IAH1: variants seen among roughly 807,000 people sequenced by gnomAD.
IAH1 encodes the protein isoamyl acetate-hydrolyzing esterase 1 homolog.
In IAH1, 24 loss-of-function variants were observed where a neutral mutation model predicts 26.7. That is an observed-to-expected ratio of 0.90 (90% CI 0.65 to 1.26). IAH1 has a LOEUF of 1.26. Among genes scored for constraint, IAH1 ranks in the 50% most tolerant of loss-of-function variants. The probability of loss-of-function intolerance (pLI) is 0.00; values close to 1 mark genes in which losing one functional copy is unlikely to be tolerated. For synonymous variants in IAH1, 140 were observed against 118.5 expected, an observed-to-expected ratio of 1.18 and a Z score of -1.18; for missense variants, 300 against 299.9, an observed-to-expected ratio of 1.00 and a Z score of 0.00.
At chr2:9,488,105 G>C in intron 5 of IAH1, 42 bp from the exon 6 acceptor site, 1 of 1,396,966 alleles carries the variant, frequency 7.2e-7, no homozygotes, top group East Asian at 2.4e-5. Flanking sequence ...GCTACCACAC[G>C]TGGCCAGTTA....
At chr2:9,481,509 T>C in intron 4 of IAH1, 62 bp downstream of exon 4, 2 of 1,547,220 alleles carry the variant, frequency 1.3e-6, no homozygotes, top group Non-Finnish European at 1.8e-6. Flanking sequence ...GGAACTCTGA[T>C]AGGACAGTGG....
the IAH1 span, among the ~76,000 whole-genome samples, chr2:9,503,732 G>A: frequency 6.6e-6 from 1 of 151,960 alleles, no homozygotes. Context: ...CAGCTACTGG[G>A]GAGGCTGAGG....
chr2:9,480,638 T>C (rs572633764), intron 3 of IAH1, among the ~76,000 whole-genome samples: 1 of 152,360 alleles, frequency 6.6e-6, no homozygotes, highest in East Asian at 1.9e-4. Flanking sequence ...AGTGGTTTTC[T>C]GGGTGGTAGG....
chr2:9,510,475 C>T, the IAH1 span, among the ~76,000 whole-genome samples: 2 of 151,782 alleles, frequency 1.3e-5, no homozygotes, highest in Non-Finnish European at 2.9e-5. Context: ...ACCAGCCTGG[C>T]CAACATGGTG....
At chr2:9,502,520 T>A in the IAH1 span, among the ~76,000 whole-genome samples, 1 of 152,082 alleles carries the variant, frequency 6.6e-6, no homozygotes, top group Non-Finnish European at 1.5e-5. Flanking sequence ...AACACAGCAA[T>A]CACCTGTGAA....
At chr2:9,492,431 A>G (rs996043596), downstream of IAH1, among the ~76,000 whole-genome samples, 3 of 152,238 alleles carry the variant, frequency 2.0e-5, no homozygotes, top group Non-Finnish European at 4.4e-5. Context: ...TAAATACTCT[A>G]TATGACAGCT....
At chr2:9,481,783 C>T (rs997790748) in intron 4 of IAH1, among the ~76,000 whole-genome samples, 1 of 151,864 alleles carries the variant, frequency 6.6e-6, no homozygotes, top group African/African-American at 2.4e-5. Flanking sequence ...GGGGCTGATG[C>T]TGATGTGCCT....
chr2:9,502,601 G>A, the IAH1 span, among the ~76,000 whole-genome samples: 9,646 of 152,144 alleles, frequency 0.063, 1,087 homozygotes, highest in African/African-American at 0.22. Context: ...GCTGGGCGAG[G>A]TGGCTCACAC....
chr2:9,508,549 T>A, the IAH1 span, among the ~76,000 whole-genome samples: 1 of 152,208 alleles, frequency 6.6e-6, no homozygotes, highest in East Asian at 1.9e-4. Context: ...TTTCCATCCT[T>A]CCAGTAATCT....
chr2:9,478,414 T>C, intron 3 of IAH1, 44 bp downstream of exon 3: 1 of 1,516,324 alleles, frequency 6.6e-7, no homozygotes, highest in South Asian at 1.3e-5. Context: ...TTTAATCATT[T>C]TTATGTTACA....
Position 9,481,449 on chromosome 2 carries a change from TAAAC to T in IAH1, c.445+7_445+10del. On this transcript the variant is annotated splice_donor_5th_base_variant and intron_variant, in intron 4 of 5. Transcript: ENST00000497473. ...GGGAAGAACAGTGCATCATACAAGG[TAAAC>T]AAACCACAGCCAATCTCGGCAAATC... 1 of 1,614,004 alleles carries T rather than the reference TAAAC, an allele frequency of 6.2e-7. No individual in the cohort carries two copies.
intron 4 of IAH1, 117 bp from the exon 5 acceptor site, chr2:9,484,315 C>G: frequency 1.2e-6 from 1 of 816,638 alleles, no homozygotes; most frequent in East Asian, 2.4e-5. Flanking sequence ...GGGGCTGGCC[C>G]AAGTGGGGTC....
At chr2:9,490,146 C>T (rs371014633), downstream of IAH1, 2 of 1,537,584 alleles carry the variant, frequency 1.3e-6, no homozygotes, top group Non-Finnish European at 1.8e-6. Context: ...AAATATTTTG[C>T]ACACTTAAGT....
chr2:9,487,257 C>CT (rs899770692), intron 5 of IAH1, among the ~76,000 whole-genome samples: 2 of 152,042 alleles, frequency 1.3e-5, no homozygotes, highest in Non-Finnish European at 2.9e-5. Flanking sequence ...ATATGTGTAT[C>CT]TTTTTAAATA....
At position 9,481,444 on chromosome 2, in the gene IAH1, C is replaced by A; in HGVS notation, c.442C>A (p.Gln148Lys). The change falls in exon 4 of 6, where the codon CAA becomes AAA. Residue 148 changes from glutamine to lysine, a missense_variant. Physicochemically the swap from Gln to Lys is moderately conservative, Grantham distance 53. Transcript: ENST00000497473. ...AGCCTGGGAAGAACAGTGCATCATA[C>A]AAGGTAAACAAACCACAGCCAATCT... ...ETAWEEQCII[Q>K]GCKLNRLNSV... 1 of 1,614,066 alleles carries A rather than the reference C, an allele frequency of 6.2e-7. No individual in the cohort carries two copies. Among genetic ancestry groups the A allele is most frequent in the East Asian group, 2.2e-5 (1 of 44,882 alleles).
chr2:9,506,709 T>C, the IAH1 span: 1 of 152,264 alleles, frequency 6.6e-6, no homozygotes, highest in Non-Finnish European at 1.5e-5. Flanking sequence ...CTGGTTATTC[T>C]AATCGGGGCC....
downstream of IAH1, chr2:9,493,026 C>T (rs1662289613): frequency 6.7e-7 from 1 of 1,493,676 alleles, no homozygotes; most frequent in Non-Finnish European, 9.2e-7. Context: ...TGACCAAGTA[C>T]TTCACAAATC....
At chr2:9,487,859 G>A (rs1661693006) in intron 5 of IAH1, among the ~76,000 whole-genome samples, 1 of 149,750 alleles carries the variant, frequency 6.7e-6, no homozygotes, top group Non-Finnish European at 1.5e-5. Context: ...CGCTGTGGGG[G>A]GAGACAGTCT....
chr2:9,485,731 A>G (rs1558482789), intron 5 of IAH1: 1 of 152,380 alleles, frequency 6.6e-6, no homozygotes, highest in Non-Finnish European at 1.5e-5. Context: ...GTATGGCTAA[A>G]TTCAGGTTCC....
Sources: allele counts gnomAD v4.1 joint callset (sites outside exome capture counted in the v4.1 genomes callset), GRCh38; gene constraint gnomAD v4.1.1; transcripts MANE v1.5; gene names NCBI Gene and HGNC (gene_info 2026-07-23, HGNC 2026-07-21).